Variants in ADCK5 observed in about 807,000 individuals in gnomAD.
ADCK5 encodes uncharacterized aarF domain-containing protein kinase 5.
Under a neutral mutation model 64.9 loss-of-function variants are expected in ADCK5, and 43 were observed. The ratio of observed to expected loss-of-function variants is 0.66; its 90% CI spans 0.52 to 0.85. ADCK5 has a LOEUF of 0.85. Among genes scored for constraint, ADCK5 ranks in the 40% least tolerant of loss-of-function variants. The probability of loss-of-function intolerance (pLI) is 0.00; values close to 1 mark genes in which losing one functional copy is unlikely to be tolerated. For synonymous variants in ADCK5, 434 were observed against 342.8 expected, an observed-to-expected ratio of 1.27 and a Z score of -2.94; for missense variants, 760 against 810.5, an observed-to-expected ratio of 0.94 and a Z score of 0.76.
At position 144,383,131 on chromosome 8, in the gene ADCK5, T is replaced by TG; in HGVS notation, c.172dup (p.Ala58GlyfsTer75). 1 of 1,586,476 alleles carries TG rather than the reference T, an allele frequency of 6.3e-7. No homozygotes were observed. Among genetic ancestry groups the TG allele is most frequent in the Non-Finnish European group, 8.6e-7 (1 of 1,166,398 alleles). On this transcript the variant is annotated frameshift_variant, in exon 3 of 15. Transcript: ENST00000308860. LOFTEE classifies it high-confidence loss of function. ...AGGAAGGTGCTCTCCACCGCGGTAG[T>TG]GGGGGCGCCCCTGCTCCTCGGAGCC... is the stretch of plus-strand genomic sequence containing the variant.
At chr8:144,377,382 C>T (rs573336072) in intron 1 of ADCK5, 1 of 152,294 alleles carries the variant, frequency 6.6e-6, no homozygotes, top group South Asian at 2.1e-4. Flanking sequence ...GAGTCCCATT[C>T]TGTTGCCCAG....
intron 1 of ADCK5, chr8:144,375,373 T>G: frequency 1.2e-6 from 1 of 839,108 alleles, no homozygotes; most frequent in Non-Finnish European, 1.4e-6. Context: ...TTCCTAACTT[T>G]GGGGACAATT....
intron 1 of ADCK5, among the ~76,000 whole-genome samples, chr8:144,374,405 C>T (rs1819280233): frequency 6.6e-6 from 1 of 152,168 alleles, no homozygotes; most frequent in Admixed American, 6.5e-5. Context: ...CCGTGTTGCT[C>T]AGGCTGGTCT....
At chr8:144,391,326 GCCC>G in intron 6 of ADCK5, 32 bp from the exon 7 acceptor site, 1 of 1,612,304 alleles carries the variant, frequency 6.2e-7, no homozygotes, top group Non-Finnish European at 8.5e-7. Context: ...GCACAGTGGG[GCCC>G]CAAGTTCTCA....
chr8:144,379,603 C>G, intron 2 of ADCK5, 113 bp downstream of exon 2: 1 of 852,632 alleles, frequency 1.2e-6, no homozygotes, highest in South Asian at 2.1e-5. Context: ...CCTGTACCCA[C>G]AACCAAGGCA....
chr8:144,388,854 G>A (rs970479094), intron 3 of ADCK5, among the ~76,000 whole-genome samples: 4 of 152,164 alleles, frequency 2.6e-5, no homozygotes, highest in East Asian at 1.9e-4. Context: ...CTGAATGGCC[G>A]GGGGGTCGCC....
At chr8:144,375,832 G>T (rs1177890420) in intron 1 of ADCK5, among the ~76,000 whole-genome samples, 1 of 152,234 alleles carries the variant, frequency 6.6e-6, no homozygotes, top group African/African-American at 2.4e-5. Context: ...CAGGGGAGCT[G>T]CAGGGATAAG....
intron 3 of ADCK5, among the ~76,000 whole-genome samples, chr8:144,387,704 C>G (rs1554859515): frequency 6.6e-6 from 1 of 151,804 alleles, no homozygotes; most frequent in East Asian, 1.9e-4. Flanking sequence ...TGCGCCTGGC[C>G]TCCACCCAGC....
At position 144,391,607 on chromosome 8, in the gene ADCK5, C is replaced by A. The variant is rs1554860640; in HGVS notation, c.826C>A (p.Leu276Met). The change falls in exon 8 of 15, where the codon CTG becomes ATG. Residue 276 changes from leucine to methionine, a missense_variant. Around this residue, in one of 2 missense-constraint regions of ADCK5, gnomAD observed 427 missense variants for 518.4 expected, o/e 0.82. Coordinates refer to ENST00000308860, the MANE Select transcript of ADCK5 (RefSeq NM_174922.5). ...CCTGAAGGGGACCCTGGCCCAGGAG[C>A]TGGACTTCGAGAATGAGGGCCGCAA... ...QDLKGTLAQE[L>M]DFENEGRNAE... 1.3e-6 allele frequency: 2 copies of A among 1,572,486 alleles called. No individual in the cohort carries two copies. Among genetic ancestry groups the A allele is most frequent in the Non-Finnish European group, 1.7e-6 (2 of 1,164,256 alleles).
chr8:144,392,145 G>T lies in ADCK5; in HGVS notation c.1150G>T (p.Gly384Trp). ...GKAELVLLDH[G>W]LYQFLEEKDR... ...AGCGGAGCTGGTGCTGCTGGACCAC[G>T]GGCTCTACCAGTTCCTGGAGGAGAA... is the stretch of plus-strand genomic sequence containing the variant. The change falls in exon 11 of 15, where the codon GGG (glycine) becomes TGG (tryptophan). Residue 384 changes from glycine (G) to tryptophan (W), a missense_variant. Physicochemically the swap from Gly to Trp is radical, Grantham distance 184. Around this residue, in one of 2 missense-constraint regions of ADCK5, gnomAD observed 333 missense variants for 292.0 expected, o/e 1.14. Coordinates refer to ENST00000308860, the MANE Select transcript of ADCK5 (RefSeq NM_174922.5). The T allele has an allele frequency of 6.2e-7, 1 of 1,605,278 alleles. No individual in the cohort carries two copies. The highest frequency in any genetic ancestry group is 2.2e-5 in the East Asian group (1 of 44,566).
intron 2 of ADCK5, among the ~76,000 whole-genome samples, chr8:144,381,197 G>C (rs1484252011): frequency 2.2e-5 from 2 of 91,894 alleles, no homozygotes; most frequent in Non-Finnish European, 4.6e-5. Flanking sequence ...CTGCACTCAG[G>C]ATTATGGGCC....
chr8:144,392,418 T>TGCCAAC, intron 12 of ADCK5, 27 bp from the exon 13 acceptor site: 1 of 799,260 alleles, frequency 1.3e-6, no homozygotes, highest in Non-Finnish European at 1.7e-6. Flanking sequence ...CAGAGCCCCC[T>TGCCAAC]CCCTCCCTCC....
intron 3 of ADCK5, among the ~76,000 whole-genome samples, chr8:144,383,823 C>G (rs573534268): frequency 2.6e-5 from 4 of 152,044 alleles, no homozygotes; most frequent in Non-Finnish European, 5.9e-5. Context: ...CCACAAAGCC[C>G]TGCTAGCCTG....
chr8:144,374,361 C>G (rs1428989218), intron 1 of ADCK5, among the ~76,000 whole-genome samples: 3 of 152,192 alleles, frequency 2.0e-5, no homozygotes, highest in Non-Finnish European at 4.4e-5. Context: ...GTGACCGCTC[C>G]CGGCCGACTC....
chr8:144,384,165 G>A lies in ADCK5; in HGVS notation c.266+935G>A, dbSNP rs1029319580. On this transcript the variant is annotated intron_variant, in intron 3 of 14. Coordinates refer to ENST00000308860, the MANE Select transcript of ADCK5 (RefSeq NM_174922.5). The surrounding 1 kb of genome is among the most constrained non-coding windows in gnomAD (Gnocchi z 5.7). ...CCTGACCTCGTGATCCACCCGCCTC[G>A]GCCTCCCAAAGTGCTGGGATGACAG... Among the ~76,000 whole-genome samples, 2 of 151,908 alleles carry A rather than the reference G, an allele frequency of 1.3e-5. No individual in the cohort carries two copies. The highest frequency in any genetic ancestry group is 4.8e-5 in the African/African-American group (2 of 41,338).
chr8:144,392,422 T>TCCCCCC, intron 12 of ADCK5, 23 bp from the exon 13 acceptor site: 8 of 533,442 alleles, frequency 1.5e-5, no homozygotes, highest in Admixed American at 5.1e-5. Context: ...GCCCCCTCCC[T>TCCCCCC]CCCTCCCTCC....
At chr8:144,391,320 A>C in intron 6 of ADCK5, 41 bp from the exon 7 acceptor site, 1 of 1,612,224 alleles carries the variant, frequency 6.2e-7, no homozygotes, top group Non-Finnish European at 8.5e-7. Context: ...GGCGGGGCAC[A>C]GTGGGGCCCC....
At position 144,392,591 on chromosome 8, in the gene ADCK5, G is replaced by A. The variant is rs782662436; in HGVS notation, c.1414G>A (p.Glu472Lys). 19 of 1,579,400 alleles carry A rather than the reference G, an allele frequency of 1.2e-5. No homozygotes were observed. Among genetic ancestry groups the A allele is most frequent in the Non-Finnish European group, 1.5e-5 (17 of 1,167,506 alleles). The change falls in exon 13 of 15, where the codon GAG becomes AAG. Residue 472 changes from glutamate (E) to lysine (K), a missense_variant. By Grantham distance (56) the Glu-to-Lys change is moderately conservative (BLOSUM62 1). Transcript: ENST00000308860. ...CGAGGCCGTCATGGCGGTGCTCAGG[G>A]AGCTGCCGCGGCCCATGCTGCTGGT... ...RFEAVMAVLR[E>K]LPRPMLLVLR...
chr8:144,389,546 G>GT (rs1820107612), intron 3 of ADCK5, among the ~76,000 whole-genome samples: 1 of 152,090 alleles, frequency 6.6e-6, no homozygotes, highest in African/African-American at 2.4e-5. Flanking sequence ...ATCTTTTTTT[G>GT]TTTTTTGAGA....
Sources: allele counts gnomAD v4.1 joint callset (sites outside exome capture counted in the v4.1 genomes callset), GRCh38; gene constraint gnomAD v4.1.1; regional missense constraint gnomAD v4.1.1; non-coding constraint Gnocchi (gnomAD v3.1); transcripts MANE v1.5; gene names NCBI Gene and HGNC (gene_info 2026-07-23, HGNC 2026-07-21).